ANKRD31: variants seen among roughly 807,000 people sequenced by gnomAD.
ANKRD31 encodes the protein ankyrin repeat domain 31.
Under a neutral mutation model 186.0 loss-of-function variants are expected in ANKRD31, and 147 were observed. The ratio of observed to expected loss-of-function variants is 0.79; its 90% CI spans 0.69 to 0.91. The LOEUF (loss-of-function observed/expected upper bound fraction) is 0.91, where lower values mean the gene tolerates loss of function less well. Ranked by LOEUF, ANKRD31 falls within the 40% of genes least tolerant of loss-of-function variation. The probability of loss-of-function intolerance (pLI) is 0.00; values close to 1 mark genes in which losing one functional copy is unlikely to be tolerated. For synonymous variants in ANKRD31, 673 were observed against 736.4 expected (o/e 0.91, Z 1.39); for missense variants, 1,986 against 2,148.8 (o/e 0.92, Z 1.50).
At chr5:75,177,957 A>T (rs1442396397) in intron 10 of ANKRD31, among the ~76,000 whole-genome samples, 1 of 152,208 alleles carries the variant, frequency 6.6e-6, no homozygotes, top group African/African-American at 2.4e-5. Context: ...TAAAGAGTCA[A>T]GACCCATCCG....
chr5:75,087,478 G>A (rs914776534), intron 23 of ANKRD31, among the ~76,000 whole-genome samples: 1 of 151,884 alleles, frequency 6.6e-6, no homozygotes, highest in African/African-American at 2.4e-5. Flanking sequence ...CTGCACTCCG[G>A]CCTGGGCAAG....
intron 6 of ANKRD31, among the ~76,000 whole-genome samples, chr5:75,196,543 T>C (rs1303459912): frequency 2.0e-5 from 3 of 152,182 alleles, no homozygotes; most frequent in Admixed American, 6.6e-5. Context: ...TCCCAAAGCT[T>C]CATAGCCATT....
chr5:75,105,207 T>G lies in ANKRD31; in HGVS notation c.4352A>C (p.Glu1451Ala). 1 of 1,516,346 alleles carries G rather than the reference T, an allele frequency of 6.6e-7. No individual in the cohort carries two copies. Among genetic ancestry groups the G allele is most frequent in the South Asian group, 1.3e-5 (1 of 79,526 alleles). The allele number at this position is 1,516,346 out of a possible 1,614,324, so 93.9% of individuals were successfully genotyped here. A position where few individuals can be genotyped will look rare whatever the true frequency, so the allele number is the denominator to read the frequency against. ...DLAKKYRVSI[E>A]SFKHGALREQ... ...TCTCAGGGCTCCATGCTTAAATGAC[T>G]CTATGGATACCCTATAGGAAGAAAC... The change falls in exon 22 of 26, where the codon GAG (glutamate) becomes GCG (alanine). Residue 1451 changes from glutamate to alanine, a missense_variant. Transcript: ENST00000506364.
chr5:75,076,400 A>T (rs968692265), intron 25 of ANKRD31, among the ~76,000 whole-genome samples: 1 of 152,148 alleles, frequency 6.6e-6, no homozygotes, highest in Non-Finnish European at 1.5e-5. Context: ...AAAGCACTTT[A>T]CTTCCGGTTA....
At chr5:75,228,203 T>G (rs1379096876) in intron 2 of ANKRD31, among the ~76,000 whole-genome samples, 1 of 152,248 alleles carries the variant, frequency 6.6e-6, no homozygotes, top group East Asian at 1.9e-4. Flanking sequence ...AATACCCACT[T>G]TCTCCATTAG....
In ANKRD31 at chr5:75,098,186, G is replaced by T. The variant is rs193152187; in HGVS notation, c.5331+6042C>A. Among the ~76,000 whole-genome samples, 1,182 of 152,122 alleles carry T rather than the reference G, an allele frequency of 7.8e-3. 10 individuals are homozygous for T. The highest frequency in any genetic ancestry group is 0.012 in the Non-Finnish European group (829 of 67,992). On this transcript the variant is annotated intron_variant, in intron 22 of 25. Transcript: ENST00000506364. ...TTTTTTGTATTTTTAGTAGAGATGG[G>T]GTTTCACTGTGTTAGCCAGGATGGT...
At chr5:75,121,552 T>G (rs964840306) in intron 17 of ANKRD31, among the ~76,000 whole-genome samples, 3 of 152,092 alleles carry the variant, frequency 2.0e-5, no homozygotes, top group Non-Finnish European at 4.4e-5. Flanking sequence ...AGACCATATG[T>G]TAGGCCACAA....
chr5:75,214,129 G>A (rs568959121), intron 3 of ANKRD31, among the ~76,000 whole-genome samples: 21 of 152,316 alleles, frequency 1.4e-4, no homozygotes, highest in African/African-American at 5.1e-4. Flanking sequence ...GCCTTTTAGA[G>A]CGTTCCCTCT....
intron 25 of ANKRD31, among the ~76,000 whole-genome samples, chr5:75,078,577 A>G (rs1744843031): frequency 1.3e-5 from 2 of 152,198 alleles, no homozygotes; most frequent in South Asian, 4.1e-4. Flanking sequence ...TTTTTTGCTT[A>G]GATGAATACA....
chr5:75,209,659 A>T (rs1756481727), intron 4 of ANKRD31, among the ~76,000 whole-genome samples: 1 of 152,256 alleles, frequency 6.6e-6, no homozygotes, highest in Admixed American at 6.5e-5. Context: ...CCTGGGTGAC[A>T]GACTGAGACT....
chr5:75,169,227 A>G, intron 10 of ANKRD31, 106 bp from the exon 11 acceptor site: 1 of 1,316,898 alleles, frequency 7.6e-7, no homozygotes, highest in Non-Finnish European at 1.0e-6. Context: ...CTTCAAAAAT[A>G]TTTTGATTAT....
At chr5:75,073,959 G>A (rs1347480318) in intron 25 of ANKRD31, among the ~76,000 whole-genome samples, 3 of 152,154 alleles carry the variant, frequency 2.0e-5, no homozygotes, top group Non-Finnish European at 4.4e-5. Context: ...GCCATGAATG[G>A]CTAGTACAGC....
intron 17 of ANKRD31, among the ~76,000 whole-genome samples, chr5:75,124,402 G>T (rs1749037045): frequency 6.6e-6 from 1 of 152,054 alleles, no homozygotes; most frequent in South Asian, 2.1e-4. Flanking sequence ...AAGTAGAACT[G>T]CCTTTCAATC....
chr5:75,201,714 G>A (rs868511649), intron 5 of ANKRD31, among the ~76,000 whole-genome samples: 13 of 152,152 alleles, frequency 8.5e-5, no homozygotes, highest in African/African-American at 2.7e-4. Flanking sequence ...AGGCCTTGAA[G>A]GGAAGAAAGG....
intron 11 of ANKRD31, among the ~76,000 whole-genome samples, chr5:75,168,086 A>C (rs534361243): frequency 2.0e-4 from 30 of 152,166 alleles, no homozygotes; most frequent in Non-Finnish European, 3.4e-4. Flanking sequence ...TTATCAAACA[A>C]GCAAACAAAC....
chr5:75,186,499 G>C (rs1011688528), intron 10 of ANKRD31, among the ~76,000 whole-genome samples: 4 of 152,102 alleles, frequency 2.6e-5, no homozygotes, highest in Admixed American at 1.3e-4. Flanking sequence ...ACCCTGGTCT[G>C]GGCCAACCTT....
At chr5:75,235,417 A>G (rs1381932504) in intron 1 of ANKRD31, among the ~76,000 whole-genome samples, 1 of 152,160 alleles carries the variant, frequency 6.6e-6, no homozygotes, top group Non-Finnish European at 1.5e-5. Flanking sequence ...AATAGCAGGT[A>G]GATTGGGGAC....
At chr5:75,178,327 A>G (rs1156721534) in intron 10 of ANKRD31, among the ~76,000 whole-genome samples, 1 of 152,200 alleles carries the variant, frequency 6.6e-6, no homozygotes, top group Non-Finnish European at 1.5e-5. Context: ...CAGATCAATG[A>G]GACAGAAAGT....
At chr5:75,107,457 G>T in intron 21 of ANKRD31, 64 bp downstream of exon 21, 1 of 1,103,478 alleles carries the variant, frequency 9.1e-7, no homozygotes, top group Non-Finnish European at 1.3e-6. Flanking sequence ...GACAACTATT[G>T]CAGCTAAAAA....
Sources: allele counts gnomAD v4.1 joint callset (sites outside exome capture counted in the v4.1 genomes callset), GRCh38; gene constraint gnomAD v4.1.1; transcripts MANE v1.5; gene names NCBI Gene and HGNC (gene_info 2026-07-23, HGNC 2026-07-21).